Variants in NWD2 observed in about 807,000 individuals in gnomAD.
NWD2 encodes the protein NACHT and WD repeat domain-containing protein 2.
In NWD2, 37 loss-of-function variants were observed where a neutral mutation model predicts 132.7. The ratio of observed to expected loss-of-function variants is 0.28; its 90% CI spans 0.21 to 0.37. The LOEUF is 0.37. Among genes scored for constraint, NWD2 ranks in the 10% least tolerant of loss-of-function variants. NWD2 has a pLI of 1.00. For missense variants in NWD2, 1,592 were observed against 2,122.4 expected, an observed-to-expected ratio of 0.75 and a Z score of 4.91; for synonymous variants, 705 against 803.0, an observed-to-expected ratio of 0.88 and a Z score of 2.06.
At chr4:37,292,570 C>G (rs1196371062) in intron 1 of NWD2, among the ~76,000 whole-genome samples, 1 of 152,140 alleles carries the variant, frequency 6.6e-6, no homozygotes, top group Admixed American at 6.6e-5. Flanking sequence ...GGGCTAAGAA[C>G]TTTACCCAGC....
intron 3 of NWD2, among the ~76,000 whole-genome samples, chr4:37,410,709 A>C (rs1721138386): frequency 6.6e-6 from 1 of 152,192 alleles, no homozygotes; most frequent in South Asian, 2.1e-4. Context: ...CTCAGCACGT[A>C]TCACACTTAT....
intron 1 of NWD2, among the ~76,000 whole-genome samples, chr4:37,261,894 A>G (rs1717644429): frequency 6.6e-6 from 1 of 152,246 alleles, no homozygotes; most frequent in African/African-American, 2.4e-5. Flanking sequence ...AAAGGGCAGA[A>G]CCAACCAGAT....
chr4:37,364,442 T>G (rs778299787), intron 3 of NWD2, among the ~76,000 whole-genome samples: 3 of 151,972 alleles, frequency 2.0e-5, no homozygotes, highest in Non-Finnish European at 2.9e-5. Context: ...GACTTCACAT[T>G]TAGAGGGGTG....
intron 1 of NWD2, among the ~76,000 whole-genome samples, chr4:37,272,694 T>A (rs1717897272): frequency 6.6e-6 from 1 of 151,796 alleles, no homozygotes; most frequent in African/African-American, 2.4e-5. Context: ...TAAATATTAT[T>A]TATTAATCTT....
At chr4:37,311,649 T>C (rs1718844501) in intron 1 of NWD2, among the ~76,000 whole-genome samples, 1 of 148,162 alleles carries the variant, frequency 6.7e-6, no homozygotes, top group Middle Eastern at 3.4e-3. Context: ...TTAGATCCCA[T>C]TTGTCAATTT....
At chr4:37,342,925 G>A (rs1719559007) in intron 2 of NWD2, among the ~76,000 whole-genome samples, 1 of 152,110 alleles carries the variant, frequency 6.6e-6, no homozygotes, top group Admixed American at 6.6e-5. Flanking sequence ...CCTGTTTGTT[G>A]CCTGTTTTAA....
chr4:37,400,828 G>A (rs770123993), intron 3 of NWD2, among the ~76,000 whole-genome samples: 11 of 152,130 alleles, frequency 7.2e-5, no homozygotes, highest in Non-Finnish European at 1.3e-4. Context: ...ATGCTTAAAC[G>A]TCAACTGAAA....
At chr4:37,253,863 A>G (rs563435631) in intron 1 of NWD2, among the ~76,000 whole-genome samples, 1 of 152,370 alleles carries the variant, frequency 6.6e-6, no homozygotes, top group South Asian at 2.1e-4. Flanking sequence ...TGATGATTCT[A>G]CAGAGTAACA....
chr4:37,363,047 G>GA (rs1720014968), intron 3 of NWD2, among the ~76,000 whole-genome samples: 1 of 152,026 alleles, frequency 6.6e-6, no homozygotes, highest in Non-Finnish European at 1.5e-5. Flanking sequence ...ACAAACGTAT[G>GA]AAAAAAATGC....
At chr4:37,348,060 G>A (rs1355420516) in intron 2 of NWD2, among the ~76,000 whole-genome samples, 1 of 152,184 alleles carries the variant, frequency 6.6e-6, no homozygotes, top group Non-Finnish European at 1.5e-5. Flanking sequence ...GAAGTAAAGT[G>A]ACTAGAGGAA....
intron 1 of NWD2, among the ~76,000 whole-genome samples, chr4:37,258,068 T>C (rs924947850): frequency 6.6e-6 from 1 of 152,274 alleles, no homozygotes; most frequent in Non-Finnish European, 1.5e-5. Flanking sequence ...CTGATCCTGT[T>C]AATCTTTTAG....
At chr4:37,292,924 G>C (rs904034860) in intron 1 of NWD2, among the ~76,000 whole-genome samples, 1 of 152,308 alleles carries the variant, frequency 6.6e-6, no homozygotes, top group East Asian at 1.9e-4. Flanking sequence ...CTCACCTCCT[G>C]CTGTGCAGCC....
rs576220839 is a variant in NWD2, at chr4:37,337,446, G to A, written c.240+11422G>A. Among the ~76,000 whole-genome samples, 23 of 152,280 alleles carry A rather than the reference G, an allele frequency of 1.5e-4. No individual in the cohort carries two copies. In the South Asian group the frequency reaches 4.8e-3, roughly 32 times the overall value. On this transcript the variant is annotated intron_variant, in intron 2 of 6. Transcript: ENST00000309447. The stretch of plus-strand genomic sequence containing the variant: ...GCTTCCTAGGTGTGTAAGGAAGTGA[G>A]AGAAACTCGCAGCTCACCCTAGCAG...
intron 3 of NWD2, among the ~76,000 whole-genome samples, chr4:37,399,779 G>A (rs1403662495): frequency 6.6e-6 from 1 of 152,072 alleles, no homozygotes; most frequent in Non-Finnish European, 1.5e-5. Context: ...GCTTCTTCAG[G>A]TACAGTCCCA....
chr4:37,304,665 A>C (rs971256227), intron 1 of NWD2, among the ~76,000 whole-genome samples: 2 of 152,212 alleles, frequency 1.3e-5, no homozygotes, highest in Non-Finnish European at 2.9e-5. Flanking sequence ...CAGTCATTAA[A>C]TCTTAAAGCC....
chr4:37,278,228 T>A (rs1718064068), intron 1 of NWD2, among the ~76,000 whole-genome samples: 1 of 152,198 alleles, frequency 6.6e-6, no homozygotes, highest in Non-Finnish European at 1.5e-5. Context: ...AGTGTCTGAA[T>A]AGCTTGAGTT....
At chr4:37,287,121 A>G (rs989742019) in intron 1 of NWD2, among the ~76,000 whole-genome samples, 18 of 152,182 alleles carry the variant, frequency 1.2e-4, no homozygotes, top group African/African-American at 2.4e-5. Context: ...TATGCTACCC[A>G]GCCAGGGAAA....
chr4:37,413,487 A>T (rs1721203508), intron 3 of NWD2, among the ~76,000 whole-genome samples: 1 of 152,202 alleles, frequency 6.6e-6, no homozygotes, highest in Admixed American at 6.5e-5. Context: ...GCTGGAGAGG[A>T]TGTGGAGAAA....
chr4:37,279,958 C>G (rs1396109462), intron 1 of NWD2, among the ~76,000 whole-genome samples: 2 of 152,286 alleles, frequency 1.3e-5, no homozygotes, highest in Admixed American at 6.5e-5. Flanking sequence ...GATTCCCAAC[C>G]TGGCATAAAA....
Sources: gnomAD v4.1 joint callset for allele counts (sites outside exome capture counted in the v4.1 genomes callset) on GRCh38, gnomAD v4.1.1 for gene constraint, MANE v1.5 for transcripts, NCBI Gene and HGNC (gene_info 2026-07-23, HGNC 2026-07-21) for gene names.